Variants in GRID2 observed in about 807,000 individuals in gnomAD.
GRID2 encodes glutamate receptor ionotropic, delta-2.
Under a neutral mutation model 114.8 loss-of-function variants are expected in GRID2, and 33 were observed. The observed-to-expected ratio is 0.29, with a 90% CI of 0.22 to 0.38. The LOEUF is 0.38. Among genes scored for constraint, GRID2 ranks in the 10% least tolerant of loss-of-function variants. The pLI is 1.00. For synonymous variants in GRID2, 505 were observed against 449.9 expected (o/e 1.12, Z -1.55); for missense variants, 1,184 against 1,257.7 (o/e 0.94, Z 0.89).
intron 2 of GRID2, among the ~76,000 whole-genome samples, chr4:92,701,994 G>A (rs1734696564): frequency 6.6e-6 from 1 of 152,142 alleles, no homozygotes. Context: ...CTATTCTAGA[G>A]TCCATATTGA....
intron 14 of GRID2, among the ~76,000 whole-genome samples, chr4:93,754,128 T>C (rs1732554881): frequency 6.6e-6 from 1 of 152,178 alleles, no homozygotes; most frequent in Non-Finnish European, 1.5e-5. Context: ...TAAACATATT[T>C]AAACATAAAA....
intron 2 of GRID2, among the ~76,000 whole-genome samples, chr4:92,916,509 C>A (rs765018457): frequency 6.6e-6 from 1 of 152,014 alleles, no homozygotes; most frequent in Admixed American, 6.6e-5. Context: ...ATGCCTCCCC[C>A]CAGCCCCCAC....
intron 2 of GRID2, among the ~76,000 whole-genome samples, chr4:92,760,692 T>C (rs1374301811): frequency 2.0e-5 from 3 of 152,204 alleles, no homozygotes; most frequent in Admixed American, 2.0e-4. Context: ...ATACAGAGTC[T>C]GTTTCCTGGG....
At chr4:92,919,975 T>A (rs1373977486) in intron 2 of GRID2, among the ~76,000 whole-genome samples, 1 of 152,182 alleles carries the variant, frequency 6.6e-6, no homozygotes, top group Non-Finnish European at 1.5e-5. Context: ...TATTATTGTG[T>A]GGGAGTGTAA....
At chr4:92,713,586 C>T (rs1205041439) in intron 2 of GRID2, among the ~76,000 whole-genome samples, 2 of 145,890 alleles carry the variant, frequency 1.4e-5, no homozygotes, top group African/African-American at 5.1e-5. Flanking sequence ...CTGATAAAGA[C>T]ATACTTGACA....
chr4:93,560,158 C>A (rs780790288), intron 13 of GRID2, among the ~76,000 whole-genome samples: 13 of 136,608 alleles, frequency 9.5e-5, no homozygotes, highest in Non-Finnish European at 1.7e-4. Context: ...AGCAAACCGC[C>A]ATGGCAAGTG....
intron 2 of GRID2, among the ~76,000 whole-genome samples, chr4:92,960,531 C>T (rs1407149101): frequency 6.6e-6 from 1 of 152,000 alleles, no homozygotes; most frequent in Admixed American, 6.6e-5. Context: ...ATCTCTGATA[C>T]TATCCTTGCT....
At chr4:93,376,142 T>A (rs1164006968) in intron 8 of GRID2, among the ~76,000 whole-genome samples, 1 of 152,188 alleles carries the variant, frequency 6.6e-6, no homozygotes, top group African/African-American at 2.4e-5. Flanking sequence ...AGACCCTATC[T>A]TCAAATGCAT....
At chr4:93,472,823 T>C (rs1724969561) in intron 11 of GRID2, among the ~76,000 whole-genome samples, 2 of 152,144 alleles carry the variant, frequency 1.3e-5, no homozygotes, top group Admixed American at 1.3e-4. Flanking sequence ...GCAGACAGTA[T>C]GAAGCATGAT....
At chr4:93,148,371 G>A (rs990488958) in intron 4 of GRID2, among the ~76,000 whole-genome samples, 4 of 151,926 alleles carry the variant, frequency 2.6e-5, no homozygotes, top group Non-Finnish European at 5.9e-5. Context: ...ATTTAGAGTG[G>A]CAGAACATAG....
chr4:92,374,105 G>C (rs1432326475), intron 1 of GRID2, among the ~76,000 whole-genome samples: 1 of 152,058 alleles, frequency 6.6e-6, no homozygotes, highest in Non-Finnish European at 1.5e-5. Context: ...TTTAATCTGA[G>C]AGACTGTTTC....
intron 1 of GRID2, among the ~76,000 whole-genome samples, chr4:92,376,667 A>G (rs1480003947): frequency 1.3e-5 from 2 of 152,098 alleles, no homozygotes; most frequent in Non-Finnish European, 2.9e-5. Flanking sequence ...CCCTGCAACA[A>G]ACTTCTGCCT....
rs556019510 is a variant in GRID2 at position 93,444,076 on chromosome 4, A to G, written c.1546-11586A>G. Among the ~76,000 whole-genome samples, 3 of 152,120 alleles carry G rather than the reference A, an allele frequency of 2.0e-5. No homozygotes were observed. In the East Asian group the frequency reaches 5.8e-4, roughly 30 times the overall value. On this transcript the variant is annotated intron_variant, in intron 10 of 15. Transcript: ENST00000282020. ...TATTATGGGATAAGTCCCATAGGAGAGATACAGAAAAACAGAGAAATGAAG... is the reference window on the plus strand; with the variant it reads ...TATTATGGGATAAGTCCCATAGGAGGGATACAGAAAAACAGAGAAATGAAG...
intron 4 of GRID2, among the ~76,000 whole-genome samples, chr4:93,177,692 A>C (rs1381060850): frequency 6.6e-6 from 1 of 152,212 alleles, no homozygotes; most frequent in Non-Finnish European, 1.5e-5. Context: ...ACCAGCAGGT[A>C]CATAGAATCT....
At chr4:92,859,297 GAT>G (rs1174084695) in intron 2 of GRID2, among the ~76,000 whole-genome samples, 4 of 152,104 alleles carry the variant, frequency 2.6e-5, no homozygotes, top group Non-Finnish European at 5.9e-5. Flanking sequence ...TTTAAATTAA[GAT>G]ATGTGCATTT....
intron 2 of GRID2, among the ~76,000 whole-genome samples, chr4:92,835,680 C>T (rs1220672105): frequency 2.6e-5 from 4 of 152,140 alleles, no homozygotes; most frequent in African/African-American, 9.7e-5. Context: ...AAGCCACTAA[C>T]ATTTGAGAAT....
At chr4:92,893,549 A>C (rs1746947709) in intron 2 of GRID2, among the ~76,000 whole-genome samples, 1 of 152,300 alleles carries the variant, frequency 6.6e-6, no homozygotes, top group Admixed American at 6.5e-5. Context: ...GCATGATCCC[A>C]AAAGTATGCT....
chr4:92,509,930 G>A (rs1724160858), intron 1 of GRID2, among the ~76,000 whole-genome samples: 1 of 151,898 alleles, frequency 6.6e-6, no homozygotes, highest in African/African-American at 2.4e-5. Context: ...TGGCTACTGT[G>A]AGGATTTTGA....
intron 2 of GRID2, among the ~76,000 whole-genome samples, chr4:92,794,905 T>TAC (rs1553928475): frequency 0.024 from 3,120 of 127,504 alleles, 60 homozygotes; most frequent in Middle Eastern, 0.05. Context: ...TATATATATA[T>TAC]ACACACACAC....
Sources: allele counts gnomAD v4.1 joint callset (sites outside exome capture counted in the v4.1 genomes callset), GRCh38; gene constraint gnomAD v4.1.1; transcripts MANE v1.5; gene names NCBI Gene and HGNC (gene_info 2026-07-23, HGNC 2026-07-21).